Variants in PTK2 observed in about 807,000 individuals in gnomAD.
The protein encoded by PTK2 is protein tyrosine kinase 2.
PTK2 carries 45 observed loss-of-function variants against 150.1 expected under a neutral mutation model. The observed-to-expected ratio is 0.30, with a 90% confidence interval of 0.24 to 0.38. The LOEUF (loss-of-function observed/expected upper bound fraction) is 0.38, where lower values mean the gene tolerates loss of function less well. Ranked by LOEUF, PTK2 falls within the 10% of genes least tolerant of loss-of-function variation. The pLI is 1.00. For missense variants in PTK2, 919 were observed against 1,307.3 expected (o/e 0.70, Z 4.58); for synonymous variants, 432 against 449.2 (o/e 0.96, Z 0.48).
chr8:140,830,300 T>A (rs562045831), intron 8 of PTK2, among the ~76,000 whole-genome samples, 172 bp downstream of exon 8: 1 of 152,358 alleles, frequency 6.6e-6, no homozygotes, highest in African/African-American at 2.4e-5. Context: ...AAAGCTATAC[T>A]AAAAACCTAT....
At chr8:140,971,036 T>G (rs1031475641) in intron 1 of PTK2, among the ~76,000 whole-genome samples, 2 of 152,262 alleles carry the variant, frequency 1.3e-5, no homozygotes, top group Admixed American at 6.5e-5. Context: ...CCTTGGTTGT[T>G]GACGTTGCTC....
chr8:140,942,621 TGC>T lies in PTK2; in HGVS notation c.-121-16874_-121-16873del, dbSNP rs1170992878. ...GAAAGAAAATTTGAGCTCTAATGAGTGCGTGCGTGTGTGTGTGTGTGTGTGCG... is the reference window on the plus strand; with the variant it reads ...GAAAGAAAATTTGAGCTCTAATGAGTGTGCGTGTGTGTGTGTGTGTGTGCG... On this transcript the variant is annotated intron_variant, in intron 1 of 31. Coordinates refer to ENST00000522684, the Ensembl canonical transcript of PTK2. Among the ~76,000 whole-genome samples the T allele has an allele frequency of 5.6e-3, 330 of 58,554 alleles. 3 individuals are homozygous for T. The highest frequency in any genetic ancestry group is 3.3e-3 in the Non-Finnish European group (49 of 14,902). 38.4% of individuals were successfully genotyped at this position (58,554 alleles called of 152,430 possible). A position where few individuals can be genotyped will look rare whatever the true frequency, so the allele number is the denominator to read the frequency against.
intron 13 of PTK2, 111 bp from the exon 14 acceptor site, chr8:140,789,637 C>T (rs554892204): frequency 3.0e-5 from 28 of 929,726 alleles, no homozygotes; most frequent in Admixed American, 2.5e-4. Flanking sequence ...ATTTTAGATA[C>T]GTGATTTCTT....
At chr8:140,702,543 A>C (rs763306766) in intron 25 of PTK2, 27 bp downstream of exon 28, 28 of 1,610,676 alleles carry the variant, frequency 1.7e-5, no homozygotes, top group Non-Finnish European at 1.9e-5. Flanking sequence ...TAAGTTAACA[A>C]ACTGAAGCCC....
chr8:140,826,390 T>C (rs1379968428), intron 8 of PTK2, among the ~76,000 whole-genome samples: 1 of 152,166 alleles, frequency 6.6e-6, no homozygotes, highest in Non-Finnish European at 1.5e-5. Context: ...ATGTCAAATG[T>C]GAAAAAACCT....
intron 14 of PTK2, 48 bp downstream of exon 14, chr8:140,789,426 T>C (rs774790599): frequency 3.3e-5 from 52 of 1,583,234 alleles, no homozygotes; most frequent in Admixed American, 5.3e-5. Context: ...TATGATCGTC[T>C]TACCCCATGA....
Position 140,908,689 on chromosome 8 carries a change from G to C in PTK2, c.-33+16972C>G, listed in dbSNP as rs554281223. On this transcript the variant is annotated intron_variant, in intron 2 of 31. Coordinates refer to ENST00000522684, the Ensembl canonical transcript of PTK2. The stretch of plus-strand genomic sequence containing the variant: ...TGTGGGAATTCAAGATAAGATTTGG[G>C]GGGGGACACAGCCAAACCATATGAC... Among the ~76,000 whole-genome samples, 203 of 152,188 alleles carry C rather than the reference G, an allele frequency of 1.3e-3. 1 individual carries two copies. The highest frequency in any genetic ancestry group is 4.8e-3 in the African/African-American group (198 of 41,522).
chr8:140,785,725 T>C (rs1410119679), intron 14 of PTK2, among the ~76,000 whole-genome samples: 1 of 152,194 alleles, frequency 6.6e-6, no homozygotes, highest in Non-Finnish European at 1.5e-5. Context: ...AATAATGACC[T>C]GAGTTCCGAT....
chr8:140,865,130 T>C (rs2100138541), intron 4 of PTK2, among the ~76,000 whole-genome samples: 1 of 152,248 alleles, frequency 6.6e-6, no homozygotes, highest in Admixed American at 6.5e-5. Context: ...TGATAGTGCA[T>C]GGTGATTTTA....
At chr8:140,722,474 C>T (rs953752844) in intron 22 of PTK2, among the ~76,000 whole-genome samples, 2 of 152,060 alleles carry the variant, frequency 1.3e-5, no homozygotes, top group African/African-American at 4.8e-5. Flanking sequence ...CACTGTGTTA[C>T]CCAGGCTGGT....
chr8:140,712,195 T>TAAA (rs76500057), intron 23 of PTK2, among the ~76,000 whole-genome samples: 2 of 141,388 alleles, frequency 1.4e-5, no homozygotes. Flanking sequence ...CATCACATAC[T>TAAA]AAAAAAAAAA....
intron 2 of PTK2, among the ~76,000 whole-genome samples, chr8:140,897,544 G>C (rs2100156796): frequency 6.6e-6 from 1 of 152,132 alleles, no homozygotes; most frequent in Non-Finnish European, 1.5e-5. Flanking sequence ...CCCTGTTGGT[G>C]GCATTCACGT....
Position 140,736,409 on chromosome 8 carries a change from T to C in PTK2, c.1826-954A>G, listed in dbSNP as rs142700391. Among the ~76,000 whole-genome samples, 327 of 152,164 alleles carry C rather than the reference T, an allele frequency of 2.1e-3. 1 individual carries two copies. The highest frequency in any genetic ancestry group is 7.4e-3 in the African/African-American group (309 of 41,506). On this transcript the variant is annotated intron_variant, in intron 21 of 31. Coordinates refer to ENST00000522684, the Ensembl canonical transcript of PTK2. ...AGGAGGTGGGTAATGGTTGAAAAAG[T>C]ACCCATTGGGTACTATGTTCACTAT...
At chr8:140,769,097 T>C (rs2100074078) in intron 14 of PTK2, among the ~76,000 whole-genome samples, 2 of 152,202 alleles carry the variant, frequency 1.3e-5, no homozygotes, top group African/African-American at 4.8e-5. Flanking sequence ...CTATCAACTA[T>C]TTGAAAAACC....
intron 4 of PTK2, among the ~76,000 whole-genome samples, chr8:140,866,286 T>C (rs566354015): frequency 1.3e-5 from 2 of 152,302 alleles, no homozygotes; most frequent in African/African-American, 4.8e-5. Context: ...GAAGCTCCCA[T>C]ATTAAAGATA....
intron 2 of PTK2, among the ~76,000 whole-genome samples, chr8:140,914,231 T>C (rs1319264513): frequency 6.6e-6 from 1 of 152,140 alleles, no homozygotes; most frequent in Non-Finnish European, 1.5e-5. Context: ...AAAATTAAAA[T>C]ATTCAGGGAT....
At position 140,746,752 on chromosome 8, in the gene PTK2, C is replaced by A. The variant is rs756308946; in HGVS notation, c.1518+8G>T. ...AGTCCAGAAGGTAAGATTTGGGGAT[C>A]ACAGTACCTCTCCAAGTGTGCACAG... On this transcript the variant is annotated splice_region_variant and intron_variant, in intron 18 of 31. Coordinates refer to ENST00000522684, the Ensembl canonical transcript of PTK2. 1 of 1,590,118 alleles carries A rather than the reference C, an allele frequency of 6.3e-7. No individual in the cohort carries two copies. The highest frequency in any genetic ancestry group is 1.1e-5 in the South Asian group (1 of 87,376).
intron 1 of PTK2, among the ~76,000 whole-genome samples, chr8:140,990,800 T>C (rs2100195444): frequency 6.6e-6 from 1 of 152,214 alleles, no homozygotes; most frequent in Non-Finnish European, 1.5e-5. Context: ...TTAGTCTTTC[T>C]AATTGCCTCC....
intron 20 of PTK2, 58 bp downstream of exon 23, chr8:140,743,172 T>C (rs2100056684): frequency 8.3e-6 from 10 of 1,207,568 alleles, no homozygotes; most frequent in Non-Finnish European, 1.2e-5. Context: ...ACATACTGTT[T>C]TTAGAAATAC....
Sources: gnomAD v4.1 joint callset for allele counts (sites outside exome capture counted in the v4.1 genomes callset) on GRCh38, gnomAD v4.1.1 for gene constraint, MANE v1.5 for transcripts, NCBI Gene and HGNC (gene_info 2026-07-23, HGNC 2026-07-21) for gene names.